Variants in NRG1 observed in about 807,000 individuals in gnomAD.
The protein encoded by NRG1 is neuregulin 1.
In NRG1, 18 loss-of-function variants were observed where a neutral mutation model predicts 63.8. That is an observed-to-expected ratio of 0.28 (90% CI 0.19 to 0.42). NRG1 has a LOEUF of 0.42. NRG1 is among the 10% of genes least tolerant of loss of function. NRG1 has a pLI of 1.00. For missense variants in NRG1, 762 were observed against 814.7 expected (o/e 0.94, Z 0.79); for synonymous variants, 302 against 301.3 (o/e 1.00, Z -0.02).
At chr8:31,810,465 C>T (rs1822779636) in intron 1 of NRG1, among the ~76,000 whole-genome samples, 1 of 152,106 alleles carries the variant, frequency 6.6e-6, no homozygotes, top group East Asian at 1.9e-4. Flanking sequence ...TCTATAATGT[C>T]TATCATTGTT....
At chr8:31,963,019 T>C (rs1054688113) in intron 1 of NRG1, among the ~76,000 whole-genome samples, 5 of 152,188 alleles carry the variant, frequency 3.3e-5, no homozygotes, top group African/African-American at 1.2e-4. Context: ...AGTGACTGCG[T>C]GTTCTCATAT....
At chr8:32,247,929 C>G (rs1466983744) in intron 1 of NRG1, among the ~76,000 whole-genome samples, 4 of 152,010 alleles carry the variant, frequency 2.6e-5, no homozygotes, top group South Asian at 2.1e-4. Context: ...AAATTAAATT[C>G]TACTTTGCAT....
chr8:32,705,516 A>C (rs2083563822), intron 5 of NRG1, among the ~76,000 whole-genome samples: 1 of 152,228 alleles, frequency 6.6e-6, no homozygotes, highest in Admixed American at 6.5e-5. Flanking sequence ...GATGTACAAA[A>C]GTAGAAAATT....
intron 1 of NRG1, among the ~76,000 whole-genome samples, chr8:32,344,324 CTCTTTCTTTCTTTCTTTCTT>C (rs765116407): frequency 4.5e-4 from 29 of 64,130 alleles, no homozygotes; most frequent in Middle Eastern, 8.5e-3. Flanking sequence ...TTCCTTCTTT[CTCTTTCTTTCTTTCTTTCTT>C]TCTTTCTTTC....
chr8:31,678,566 T>TA (rs1484658715), intron 1 of NRG1, among the ~76,000 whole-genome samples: 1 of 151,846 alleles, frequency 6.6e-6, no homozygotes, highest in Non-Finnish European at 1.5e-5. Context: ...TCCATATATA[T>TA]TTTTTTGACA....
At chr8:32,173,077 G>T (rs1040950951) in intron 1 of NRG1, among the ~76,000 whole-genome samples, 2 of 152,088 alleles carry the variant, frequency 1.3e-5, no homozygotes, top group Non-Finnish European at 2.9e-5. Context: ...AAATGTTAAG[G>T]GCAGCCAGAG....
At chr8:31,916,340 T>C (rs1362094182) in intron 1 of NRG1, among the ~76,000 whole-genome samples, 1 of 152,140 alleles carries the variant, frequency 6.6e-6, no homozygotes, top group East Asian at 1.9e-4. Flanking sequence ...TAGGTATATC[T>C]CCCAATGCTA....
chr8:32,479,480 A>T (rs1335176327), intron 1 of NRG1, among the ~76,000 whole-genome samples: 1 of 152,086 alleles, frequency 6.6e-6, no homozygotes, highest in African/African-American at 2.4e-5. Flanking sequence ...CAGTCTCCAA[A>T]AAATAAATAA....
intron 1 of NRG1, among the ~76,000 whole-genome samples, chr8:31,660,846 A>G (rs925344892): frequency 2.0e-5 from 3 of 152,128 alleles, no homozygotes. Context: ...CTATAGTGAT[A>G]TAGTCATTTT....
At chr8:32,607,841 A>C (rs1845525825) in intron 3 of NRG1, among the ~76,000 whole-genome samples, 1 of 152,150 alleles carries the variant, frequency 6.6e-6, no homozygotes, top group South Asian at 2.1e-4. Context: ...AACAACCAAC[A>C]AAAATTCTTT....
At chr8:31,752,461 G>C (rs117639905) in intron 1 of NRG1, among the ~76,000 whole-genome samples, 2 of 152,028 alleles carry the variant, frequency 1.3e-5, no homozygotes, top group Admixed American at 6.6e-5. Flanking sequence ...GAAGGGCTTG[G>C]GGGGAGACCA....
At chr8:32,695,144 C>T (rs1812929782) in intron 5 of NRG1, among the ~76,000 whole-genome samples, 1 of 152,044 alleles carries the variant, frequency 6.6e-6, no homozygotes, top group Non-Finnish European at 1.5e-5. Flanking sequence ...TGCTTGAGCC[C>T]AGGAGTTTGA....
intron 1 of NRG1, among the ~76,000 whole-genome samples, chr8:32,003,463 C>G (rs577649644): frequency 1.3e-5 from 2 of 151,948 alleles, no homozygotes; most frequent in South Asian, 4.2e-4. Context: ...AATTCAAAAG[C>G]GTGGCAATCA....
At chr8:32,372,581 G>A (rs1423561884) in intron 1 of NRG1, among the ~76,000 whole-genome samples, 1 of 152,090 alleles carries the variant, frequency 6.6e-6, no homozygotes, top group Non-Finnish European at 1.5e-5. Context: ...CGGGATAGGG[G>A]AAGAAGGAAG....
At chr8:32,666,649 G>A (rs895584248) in intron 5 of NRG1, among the ~76,000 whole-genome samples, 2 of 152,242 alleles carry the variant, frequency 1.3e-5, no homozygotes, top group African/African-American at 4.8e-5. Context: ...TGCATACCAT[G>A]AAATTTGCTG....
intron 1 of NRG1, among the ~76,000 whole-genome samples, chr8:32,343,247 A>G (rs1029124939): frequency 1.3e-5 from 2 of 152,176 alleles, no homozygotes; most frequent in Non-Finnish European, 2.9e-5. Flanking sequence ...GGCTTAATAT[A>G]TTGTCAACTT....
intron 1 of NRG1, among the ~76,000 whole-genome samples, chr8:32,510,039 C>G (rs1210692374): frequency 6.6e-6 from 1 of 150,900 alleles, no homozygotes; most frequent in African/African-American, 2.4e-5. Context: ...AGATTCTTAA[C>G]TAGTGGAAAA....
At chr8:32,107,028 C>T (rs146897737) in intron 1 of NRG1, among the ~76,000 whole-genome samples, 1,818 of 152,004 alleles carry the variant, frequency 0.012, 42 homozygotes, top group African/African-American at 0.042. Context: ...ACCAGCCTGA[C>T]CAACATGGTG....
chr8:32,142,210 A>G lies in NRG1; in HGVS notation c.38-453618A>G, dbSNP rs181551453. Among the ~76,000 whole-genome samples, 265 of 152,280 alleles carry G rather than the reference A, an allele frequency of 1.7e-3. 3 individuals carry two copies. The highest frequency in any genetic ancestry group is 3.4e-3 in the Middle Eastern group (1 of 294). Reference sequence around the variant, plus strand: ...TGGGTCTCTTCAGTCAGCTCATCTCAGCATGTTGAAAGTCCAAATGACCCT... The same window carrying G: ...TGGGTCTCTTCAGTCAGCTCATCTCGGCATGTTGAAAGTCCAAATGACCCT... On this transcript the variant is annotated intron_variant, in intron 1 of 10. Coordinates refer to the NRG1 transcript ENST00000519301.
Sources: allele counts gnomAD v4.1 joint callset (sites outside exome capture counted in the v4.1 genomes callset), GRCh38; gene constraint gnomAD v4.1.1; transcripts MANE v1.5; gene names NCBI Gene and HGNC (gene_info 2026-07-23, HGNC 2026-07-21).